Variants in GRIP2 observed in about 807,000 individuals in gnomAD.
GRIP2 encodes the protein glutamate receptor-interacting protein 2.
GRIP2 carries 58 observed loss-of-function variants against 108.3 expected under a neutral mutation model. The ratio of observed to expected loss-of-function variants is 0.54; its 90% CI spans 0.43 to 0.67. The LOEUF (loss-of-function observed/expected upper bound fraction) is 0.67, where lower values mean the gene tolerates loss of function less well. Ranked by LOEUF, GRIP2 falls within the 30% of genes least tolerant of loss-of-function variation. GRIP2 has a pLI of 0.00. For missense variants in GRIP2, 1,278 were observed against 1,430.6 expected (o/e 0.89, Z 1.72); for synonymous variants, 586 against 598.2 (o/e 0.98, Z 0.30).
chr3:14,558,541 T>A (rs1695270020), upstream of GRIP2, among the ~76,000 whole-genome samples: 1 of 152,022 alleles, frequency 6.6e-6, no homozygotes, highest in Admixed American at 6.5e-5. Flanking sequence ...AAATAAGTAA[T>A]AAATAAATAA....
the GRIP2 span, among the ~76,000 whole-genome samples, chr3:14,562,746 G>A: frequency 3.4e-5 from 3 of 87,180 alleles, no homozygotes; most frequent in East Asian, 1.0e-3. Flanking sequence ...CGAGGCAGAC[G>A]GTCCTCGGAC....
chr3:14,523,878 C>T, intron 4 of GRIP2, 180 bp from the exon 5 acceptor site: 1 of 591,572 alleles, frequency 1.7e-6, no homozygotes, highest in Non-Finnish European at 3.0e-6. Context: ...CCCCTAATCC[C>T]ACTTAGCCCA....
intron 11 of GRIP2, 91 bp downstream of exon 11, chr3:14,516,973 T>C (rs1694264384): frequency 5.5e-6 from 7 of 1,278,074 alleles, no homozygotes; most frequent in Non-Finnish European, 7.2e-6. Flanking sequence ...CTGCCCAAAA[T>C]ACCTCCCCTC....
chr3:14,494,331 A>T (rs1037366084), intron 23 of GRIP2, among the ~76,000 whole-genome samples: 6 of 152,240 alleles, frequency 3.9e-5, no homozygotes, highest in Admixed American at 3.3e-4. Context: ...GGCAAAAAAC[A>T]CACTGAGGGA....
Position 14,511,314 on chromosome 3 carries a change from C to T in GRIP2, c.1788-4G>A. ...GCCTGGCTCCAGGGTGCCCGTCCTG[C>T]ATGAGTCGGGGGCAGAGGGGATGGA... On this transcript the variant is annotated splice_polypyrimidine_tract_variant and splice_region_variant and intron_variant, in intron 15 of 23. Coordinates refer to ENST00000621039, the MANE Select transcript of GRIP2 (RefSeq NM_001080423.4). The surrounding 1 kb of genome is among the most constrained non-coding windows in gnomAD (Gnocchi z 4.1). 3 of 1,613,996 alleles carry T rather than the reference C, an allele frequency of 1.9e-6. No individual in the cohort carries two copies. The highest frequency in any genetic ancestry group is 2.2e-5 in the East Asian group (1 of 44,880).
rs530238505 is a variant in GRIP2, at chr3:14,522,042, G to A, written c.567-255C>T. On this transcript the variant is annotated intron_variant, in intron 6 of 23. Transcript: ENST00000621039. The surrounding 1 kb of genome is among the most constrained non-coding windows in gnomAD (Gnocchi z 4.3). ...TCTGCCGCCTGCCACTCCTCTGGGTGTGCAGTAATTCACAGACTCAGTGCA... is the reference window on the plus strand; with the variant it reads ...TCTGCCGCCTGCCACTCCTCTGGGTATGCAGTAATTCACAGACTCAGTGCA... 9.8e-6 allele frequency: 5 copies of A among 508,200 alleles called. No individual in the cohort carries two copies. Among genetic ancestry groups the A allele is most frequent in the Admixed American group, 7.6e-5 (2 of 26,212 alleles). 31.5% of individuals were successfully genotyped at this position (508,200 alleles called of 1,614,324 possible). A position where few individuals can be genotyped will look rare whatever the true frequency, so the allele number is the denominator to read the frequency against.
the GRIP2 span, among the ~76,000 whole-genome samples, chr3:14,588,319 C>T: frequency 3.9e-5 from 6 of 152,214 alleles, no homozygotes; most frequent in African/African-American, 1.4e-4. Context: ...AGTCTGACTC[C>T]TTGGGTGTGA....
At chr3:14,571,468 C>T in the GRIP2 span, among the ~76,000 whole-genome samples, 8 of 152,244 alleles carry the variant, frequency 5.3e-5, no homozygotes, top group South Asian at 2.1e-4. Flanking sequence ...CCCACCCCCG[C>T]GCACCTCAGA....
chr3:14,512,657 C>G lies in GRIP2; in HGVS notation c.1720+120G>C. 1 of 922,092 alleles carries G rather than the reference C, an allele frequency of 1.1e-6. No individual in the cohort carries two copies. Among genetic ancestry groups the G allele is most frequent in the East Asian group, 2.7e-5 (1 of 37,680 alleles). 57.1% of individuals were successfully genotyped at this position (922,092 alleles called of 1,614,324 possible). A position where few individuals can be genotyped will look rare whatever the true frequency, so the allele number is the denominator to read the frequency against. On this transcript the variant is annotated intron_variant, in intron 14 of 23. Coordinates refer to ENST00000621039, the MANE Select transcript of GRIP2 (RefSeq NM_001080423.4). The surrounding 1 kb of genome is among the most constrained non-coding windows in gnomAD (Gnocchi z 5.1). The stretch of plus-strand genomic sequence containing the variant: ...AGCCAGCCTCCCCACACCCCCAAGC[C>G]TTTTCCTCGGGCCCCGCAGGGTGTC...
At position 14,511,286 on chromosome 3, in the gene GRIP2, G is replaced by C. The variant is rs752149549; in HGVS notation, c.1812C>G (p.Asp604Glu). The change falls in exon 16 of 24, where the codon GAC becomes GAG. Residue 604 changes from aspartate to glutamate, a missense_variant. Coordinates refer to ENST00000621039, the MANE Select transcript of GRIP2 (RefSeq NM_001080423.4). This position sits in a 1 kb window ranked among gnomAD's most constrained non-coding sequence, Gnocchi z 4.1. Reference protein sequence around the residue: ...AHRTGTLEPGDKLLAIDNIRL... With the variant: ...AHRTGTLEPGEKLLAIDNIRL... ...GGATATTGTCAATGGCCAGTAGCTT[G>C]TCGCCTGGCTCCAGGGTGCCCGTCC... 6.2e-7 allele frequency: 1 copy of C among 1,614,036 alleles called. No homozygotes were observed. The highest frequency in any genetic ancestry group is 1.1e-5 in the South Asian group (1 of 91,082).
Position 14,507,126 on chromosome 3 carries a change from G to A in GRIP2, c.2219-146C>T. 1 of 792,154 alleles carries A rather than the reference G, an allele frequency of 1.3e-6. No individual in the cohort carries two copies. The highest frequency in any genetic ancestry group is 1.9e-5 in the South Asian group (1 of 52,062). The allele number at this position is 792,154 out of a possible 1,614,324, so 49.1% of individuals were successfully genotyped here. A position where few individuals can be genotyped will look rare whatever the true frequency, so the allele number is the denominator to read the frequency against. The stretch of plus-strand genomic sequence containing the variant: ...CCATGGCACACTAATAAGCAAACCT[G>A]TTTCACAGATGGGAAAACTGAGGCT... On this transcript the variant is annotated intron_variant, in intron 18 of 23. Transcript: ENST00000621039. The surrounding 1 kb of genome is among the most constrained non-coding windows in gnomAD (Gnocchi z 4.6).
the GRIP2 span, among the ~76,000 whole-genome samples, chr3:14,569,148 C>T: frequency 2.0e-5 from 3 of 152,252 alleles, no homozygotes; most frequent in African/African-American, 7.2e-5. Flanking sequence ...GCCTCCCACC[C>T]ACTTTCCATC....
At chr3:14,493,885 G>C in intron 23 of GRIP2, 59 bp from the exon 24 acceptor site, 1 of 1,551,162 alleles carries the variant, frequency 6.4e-7, no homozygotes, top group African/African-American at 1.4e-5. Context: ...GCGCTGAAGG[G>C]AGCAAGAGGC....
At chr3:14,506,298 C>T (rs1693925075) in intron 19 of GRIP2, among the ~76,000 whole-genome samples, 1 of 152,178 alleles carries the variant, frequency 6.6e-6, no homozygotes, top group South Asian at 2.1e-4. Context: ...GCCAGCTGGC[C>T]AGCCACCAGA....
At chr3:14,569,990 G>A in the GRIP2 span, among the ~76,000 whole-genome samples, 3 of 152,094 alleles carry the variant, frequency 2.0e-5, no homozygotes, top group Non-Finnish European at 2.9e-5. Context: ...ACTGAGGCTC[G>A]GAGAGGTGAC....
chr3:14,573,073 G>A, the GRIP2 span: 1 of 1,394,448 alleles, frequency 7.2e-7, no homozygotes, highest in Non-Finnish European at 1.0e-6. Flanking sequence ...GCGAAGGAGA[G>A]AAAGAGGCCA....
intron 16 of GRIP2, among the ~76,000 whole-genome samples, chr3:14,510,721 T>C (rs1340372896): frequency 1.3e-5 from 2 of 152,206 alleles, no homozygotes; most frequent in Non-Finnish European, 1.5e-5. Context: ...CTTTTGCCTC[T>C]CCAATCCATA....
chr3:14,573,856 T>C, the GRIP2 span: 37,145 of 1,378,424 alleles, frequency 0.027, 1,336 homozygotes, highest in East Asian at 0.18. Context: ...ATTGCCAGCA[T>C]GGGCGAGCAC....
intron 4 of GRIP2, chr3:14,523,932 AC>A (rs1335931074): frequency 3.6e-6 from 2 of 552,762 alleles, no homozygotes; most frequent in Non-Finnish European, 6.5e-6. Context: ...CACAGAGACG[AC>A]GGCAGAACTC....
Sources: gnomAD v4.1 joint callset for allele counts (sites outside exome capture counted in the v4.1 genomes callset) on GRCh38, gnomAD v4.1.1 for gene constraint, Gnocchi (gnomAD v3.1) non-coding constraint, MANE v1.5 for transcripts, NCBI Gene and HGNC (gene_info 2026-07-23, HGNC 2026-07-21) for gene names.